The following PSTPIP1 variants were observed in gnomAD, a reference collection of about 807,000 sequenced individuals.
PSTPIP1 encodes proline-serine-threonine phosphatase interacting protein 1, also known as proline-serine-threonine phosphatase-interacting protein 1.
A neutral mutation model predicts 69.6 loss-of-function variants in PSTPIP1; 66 were observed. The ratio of observed to expected loss-of-function variants is 0.95; its 90% CI spans 0.78 to 1.16. The LOEUF is 1.16. Ranked by LOEUF, PSTPIP1 falls within the 50% of genes most tolerant of loss-of-function variation. The pLI is 0.00. For synonymous variants in PSTPIP1, 266 were observed against 222.7 expected, an observed-to-expected ratio of 1.19 and a Z score of -1.73; for missense variants, 603 against 557.4, an observed-to-expected ratio of 1.08 and a Z score of -0.82.
intron 3 of PSTPIP1, among the ~76,000 whole-genome samples, chr15:77,021,994 G>C (rs1334380624): frequency 3.3e-5 from 5 of 152,278 alleles, no homozygotes; most frequent in African/African-American, 1.2e-4. Flanking sequence ...GGCAAGGCCA[G>C]CTTCCTGTAG....
At chr15:77,022,426 A>G (rs1166149962) in intron 3 of PSTPIP1, among the ~76,000 whole-genome samples, 3 of 152,200 alleles carry the variant, frequency 2.0e-5, no homozygotes, top group Admixed American at 6.5e-5. Context: ...CAATGGGATG[A>G]GTTACACATG....
chr15:77,013,408 G>A (rs1398103673), intron 1 of PSTPIP1, among the ~76,000 whole-genome samples: 1 of 152,178 alleles, frequency 6.6e-6, no homozygotes, highest in African/African-American at 2.4e-5. Context: ...GGTCTCCATG[G>A]GGGGGTGGTG....
intron 1 of PSTPIP1, among the ~76,000 whole-genome samples, chr15:77,003,684 G>A (rs979606487): frequency 5.9e-5 from 9 of 151,588 alleles, no homozygotes; most frequent in Non-Finnish European, 1.2e-4. Flanking sequence ...AGAAGGAAGC[G>A]GGCTTCTTTG....
At chr15:77,035,235 A>G (rs2076529375) in intron 12 of PSTPIP1, among the ~76,000 whole-genome samples, 1 of 152,168 alleles carries the variant, frequency 6.6e-6, no homozygotes, top group African/African-American at 2.4e-5. Context: ...GATCCTCCCA[A>G]GGGCCCTGCA....
In PSTPIP1 at chr15:77,037,265, C is replaced by G. The variant is rs756956715; in HGVS notation, c.*89C>G. 2.0e-6 allele frequency: 3 copies of G among 1,486,400 alleles called. No individual in the cohort carries two copies. In the South Asian group the frequency reaches 3.7e-5, roughly 18 times the overall value. The allele number at this position is 1,486,400 out of a possible 1,614,324, so 92.1% of individuals were successfully genotyped here. A position where few individuals can be genotyped will look rare whatever the true frequency, so the allele number is the denominator to read the frequency against. ...TCCCCACCTTGCTAGGGCCCAGAAC[C>G]AAGCGTCCCCCAGCCCCGAGAGGGA... is the stretch of plus-strand genomic sequence containing the variant. On this transcript the variant is annotated 3_prime_UTR_variant, in exon 15 of 15. Transcript: ENST00000558012.
chr15:77,017,708 G>A (rs1184307180), intron 1 of PSTPIP1, among the ~76,000 whole-genome samples: 2 of 152,218 alleles, frequency 1.3e-5, no homozygotes, highest in East Asian at 1.9e-4. Context: ...CAGCTGGGCC[G>A]CTCTGGATAC....
intron 1 of PSTPIP1, among the ~76,000 whole-genome samples, chr15:77,010,349 C>G (rs900666560): frequency 5.3e-5 from 8 of 152,302 alleles, no homozygotes; most frequent in African/African-American, 1.9e-4. Context: ...AGAGCCCCAC[C>G]AGGCACCGCA....
Position 77,027,894 on chromosome 15 carries a change from C to T in PSTPIP1, c.397C>T (p.Leu133Phe). The change falls in exon 6 of 15, where the codon CTC becomes TTC. Residue 133 changes from leucine (L) to phenylalanine (F), a missense_variant. Transcript: ENST00000558012. The surrounding 1 kb of genome is among the most constrained non-coding windows in gnomAD (Gnocchi z 4.3). ...MDRVQKSKLS[L>F]YKKAMESKKT... ...CCGGGTCCAGAAGAGCAAGCTGTCG[C>T]TCTACAAGAAGGCCATGGAGGTGAG... is the stretch of plus-strand genomic sequence containing the variant. The T allele has an allele frequency of 6.4e-7, 1 of 1,566,718 alleles. No individual in the cohort carries two copies. The highest frequency in any genetic ancestry group is 8.6e-7 in the Non-Finnish European group (1 of 1,156,380).
At chr15:77,026,889 C>A (rs1405333120) in intron 5 of PSTPIP1, among the ~76,000 whole-genome samples, 1 of 152,256 alleles carries the variant, frequency 6.6e-6, no homozygotes, top group African/African-American at 2.4e-5. Context: ...GCTGCACTGG[C>A]TGCAAAGGCT....
At chr15:77,012,694 G>C (rs2075970108) in intron 1 of PSTPIP1, among the ~76,000 whole-genome samples, 1 of 152,210 alleles carries the variant, frequency 6.6e-6, no homozygotes, top group African/African-American at 2.4e-5. Context: ...CTGTGCCTCT[G>C]TTTCCGTATC....
chr15:77,037,126 AG>A lies in PSTPIP1; in HGVS notation c.1203del (p.Asn402ThrfsTer?), dbSNP rs1471375463. 6.2e-7 allele frequency: 1 copy of A among 1,611,996 alleles called. No homozygotes were observed. Among genetic ancestry groups the A allele is most frequent in the Non-Finnish European group, 8.5e-7 (1 of 1,179,664 alleles). On this transcript the variant is annotated frameshift_variant, in exon 15 of 15. Transcript: ENST00000558012. LOFTEE classifies it high-confidence loss of function. Reference protein sequence around the residue: ...EGEDGWWTVERNGQRGFVPGS... With the variant: ...EGEDGWWTVEXNGQRGFVPGS... ...GGAGGATGGCTGGTGGACTGTGGAGAGGAACGGGCAGCGTGGCTTCGTCCCT... is the reference window on the plus strand; with the variant it reads ...GGAGGATGGCTGGTGGACTGTGGAGAGAACGGGCAGCGTGGCTTCGTCCCT...
Position 77,000,458 on chromosome 15 carries a change from G to GATATAT in PSTPIP1, c.36+4850_36+4851insTATATA, listed in dbSNP as rs148680520. Among the ~76,000 whole-genome samples the GATATAT allele has an allele frequency of 5.7e-3, 796 of 139,130 alleles. 10 individuals carry two copies. The highest frequency in any genetic ancestry group is 0.015 in the African/African-American group (542 of 35,428). 91.3% of individuals were successfully genotyped at this position (139,130 alleles called of 152,430 possible). A position where few individuals can be genotyped will look rare whatever the true frequency, so the allele number is the denominator to read the frequency against. On this transcript the variant is annotated intron_variant, in intron 1 of 14. Coordinates refer to ENST00000558012, the MANE Select transcript of PSTPIP1 (RefSeq NM_003978.5). ...CTGTTCCATCCTGGGCATTTAAAGAGAGATATATATATATATATACACACA... is the reference window on the plus strand; with the variant it reads ...CTGTTCCATCCTGGGCATTTAAAGAGATATATAGATATATATATATATATACACACA...
At position 77,025,336 on chromosome 15, in the gene PSTPIP1, G is replaced by C. The variant is rs761871799; in HGVS notation, c.247+18G>C. On this transcript the variant is annotated intron_variant, in intron 4 of 14. Transcript: ENST00000558012. ...GAAGCAGCGTAAGTCCCCTACCCTGGGGCAATGGGATCTTTTGGGACTGCG... is the reference window on the plus strand; with the variant it reads ...GAAGCAGCGTAAGTCCCCTACCCTGCGGCAATGGGATCTTTTGGGACTGCG... The C allele has an allele frequency of 1.2e-5, 19 of 1,603,572 alleles. No homozygotes were observed. In the East Asian group the frequency reaches 4.2e-4, roughly 36 times the overall value.
At position 77,037,119 on chromosome 15, in the gene PSTPIP1, T is replaced by C. The variant is rs772912791; in HGVS notation, c.1194T>C (p.Thr398=). 5 of 1,612,186 alleles carry C rather than the reference T, an allele frequency of 3.1e-6. No homozygotes were observed. In the African/African-American group the frequency reaches 6.7e-5, roughly 22 times the overall value. ...TGGAAGGGGAGGATGGCTGGTGGACTGTGGAGAGGAACGGGCAGCGTGGCT... is the reference window on the plus strand; with the variant it reads ...TGGAAGGGGAGGATGGCTGGTGGACCGTGGAGAGGAACGGGCAGCGTGGCT... The part of the protein sequence containing the change: ...VILEGEDGWW[T]VERNGQRGFV... Residue 398 remains threonine (T), a synonymous_variant, in exon 15 of 15, where the codon ACT becomes ACC. Transcript: ENST00000558012.
chr15:77,027,631 C>A lies in PSTPIP1; in HGVS notation c.355-221C>A. On this transcript the variant is annotated intron_variant, in intron 5 of 14. Transcript: ENST00000558012. This position sits in a 1 kb window ranked among gnomAD's most constrained non-coding sequence, Gnocchi z 4.3. ...ACGAAGCTCTGGCCAAGGTCTGCAG[C>A]AAGGACCTCACGGCACACCCATGCC... 1.7e-6 allele frequency: 1 copy of A among 593,832 alleles called. No homozygotes were observed. The highest frequency in any genetic ancestry group is 1.7e-5 in the South Asian group (1 of 60,416). 36.8% of individuals were successfully genotyped at this position (593,832 alleles called of 1,614,324 possible).
chr15:76,999,843 T>C (rs146902648), intron 1 of PSTPIP1, among the ~76,000 whole-genome samples: 133 of 152,344 alleles, frequency 8.7e-4, no homozygotes, highest in Middle Eastern at 3.4e-3. Context: ...GTCTATCCAA[T>C]GGCCTTTGCA....
intron 6 of PSTPIP1, 59 bp from the exon 7 acceptor site, chr15:77,028,495 C>T: frequency 7.0e-7 from 1 of 1,425,228 alleles, no homozygotes; most frequent in Non-Finnish European, 9.5e-7. Flanking sequence ...GAGCCTCACT[C>T]CCGGGGACCA....
In PSTPIP1 at chr15:77,018,492, T is replaced by C; in HGVS notation, c.173T>C (p.Val58Ala). 1 of 1,583,450 alleles carries C rather than the reference T, an allele frequency of 6.3e-7. No homozygotes were observed. The change falls in exon 3 of 15, where the codon GTG becomes GCG. Residue 58 changes from valine to alanine, a missense_variant. Physicochemically the swap from Val to Ala is moderately conservative, Grantham distance 64 (BLOSUM62 0). Coordinates refer to ENST00000558012, the MANE Select transcript of PSTPIP1 (RefSeq NM_003978.5). ...QAEERYGKEL[V>A]QIARKAGGQT... The stretch of plus-strand genomic sequence containing the variant: ...GAGGAGCGGTACGGGAAGGAGCTGG[T>C]GCAGATCGCACGGAAGGCAGGTGGC...
chr15:77,016,942 G>A (rs1309509810), intron 1 of PSTPIP1, among the ~76,000 whole-genome samples: 1 of 152,136 alleles, frequency 6.6e-6, no homozygotes, highest in Non-Finnish European at 1.5e-5. Flanking sequence ...ACCCTGGAGT[G>A]TGCGTGACCT....
Sources: gnomAD v4.1 joint callset for allele counts (sites outside exome capture counted in the v4.1 genomes callset) on GRCh38, gnomAD v4.1.1 for gene constraint, Gnocchi (gnomAD v3.1) non-coding constraint, MANE v1.5 for transcripts, NCBI Gene and HGNC (gene_info 2026-07-23, HGNC 2026-07-21) for gene names.